The following RAPH1 variants were observed in gnomAD, a reference collection of about 807,000 sequenced individuals.
RAPH1 encodes the protein ras-associated and pleckstrin homology domains-containing protein 1.
A neutral mutation model predicts 88.1 loss-of-function variants in RAPH1; 18 were observed. The ratio of observed to expected loss-of-function variants is 0.20; its 90% CI spans 0.14 to 0.30. The LOEUF (loss-of-function observed/expected upper bound fraction) is 0.30, where lower values mean the gene tolerates loss of function less well. Ranked by LOEUF, RAPH1 falls within the 10% of genes least tolerant of loss-of-function variation. The pLI, the probability that RAPH1 is intolerant of heterozygous loss-of-function variation, is 1.00. For synonymous variants in RAPH1, 587 were observed against 559.0 expected (o/e 1.05, Z -0.71); for missense variants, 1,448 against 1,543.2 (o/e 0.94, Z 1.03).
Position 203,437,444 on chromosome 2 carries a change from G to A in RAPH1, c.*1993C>T, listed in dbSNP as rs888499140. 4.6e-5 allele frequency: 7 copies of A among 152,136 alleles called. No individual in the cohort carries two copies. The highest frequency in any genetic ancestry group is 1.4e-4 in the African/African-American group (6 of 41,416). 9.4% of individuals were successfully genotyped at this position (152,136 alleles called of 1,614,324 possible). A position where few individuals can be genotyped will look rare whatever the true frequency, so the allele number is the denominator to read the frequency against. ...AAATTCATTCATGAATCACAGTAGC[G>A]CTTGGCAATCTACTCAAACATTACC... On this transcript the variant is annotated 3_prime_UTR_variant, in exon 14 of 14. Coordinates refer to ENST00000319170, the MANE Select transcript of RAPH1 (RefSeq NM_213589.3).
intron 1 of RAPH1, among the ~76,000 whole-genome samples, chr2:203,533,728 C>T (rs1330009118): frequency 6.6e-6 from 1 of 152,014 alleles, no homozygotes; most frequent in East Asian, 1.9e-4. Context: ...ATTCACTAAC[C>T]CCCCGCACCG....
intron 8 of RAPH1, among the ~76,000 whole-genome samples, chr2:203,456,227 A>C (rs1446566250): frequency 6.6e-6 from 1 of 152,240 alleles, no homozygotes; most frequent in Non-Finnish European, 1.5e-5. Flanking sequence ...TGCATGTAAC[A>C]GTAGTTAAAT....
At position 203,436,032 on chromosome 2, in the gene RAPH1, A is replaced by T. The variant is rs139443908; in HGVS notation, c.*3405T>A. On this transcript the variant is annotated 3_prime_UTR_variant, in exon 14 of 14. Coordinates refer to ENST00000319170, the MANE Select transcript of RAPH1 (RefSeq NM_213589.3). ...TACAGCTCCTAATAACCTTGATGTC[A>T]GAGTTGTCACTTGGTTGGAATTATT... The T allele has an allele frequency of 6.6e-6, 1 of 152,366 alleles. No individual in the cohort carries two copies. Among genetic ancestry groups the T allele is most frequent in the Non-Finnish European group, 1.5e-5 (1 of 68,038 alleles). The allele number at this position is 152,366 out of a possible 1,614,324, so 9.4% of individuals were successfully genotyped here. A position where few individuals can be genotyped will look rare whatever the true frequency, so the allele number is the denominator to read the frequency against.
At chr2:203,471,518 A>C (rs1347941548) in intron 4 of RAPH1, among the ~76,000 whole-genome samples, 1 of 152,186 alleles carries the variant, frequency 6.6e-6, no homozygotes, top group Non-Finnish European at 1.5e-5. Context: ...AGGCTGCTGC[A>C]GAAGAATCGC....
At chr2:203,467,420 G>A (rs1411920364) in intron 4 of RAPH1, among the ~76,000 whole-genome samples, 1 of 149,118 alleles carries the variant, frequency 6.7e-6, no homozygotes, top group Non-Finnish European at 1.5e-5. Flanking sequence ...GCGAAACCCC[G>A]TCTCTACTAA....
chr2:203,530,579 C>T (rs1169095367), intron 1 of RAPH1, among the ~76,000 whole-genome samples: 1 of 152,132 alleles, frequency 6.6e-6, no homozygotes, highest in Non-Finnish European at 1.5e-5. Flanking sequence ...CCATGTAGCA[C>T]TATGGTCTTC....
intron 1 of RAPH1, among the ~76,000 whole-genome samples, chr2:203,505,304 C>T (rs1283725537): frequency 6.6e-6 from 1 of 152,114 alleles, no homozygotes; most frequent in African/African-American, 2.4e-5. Context: ...AGGCAAAAGG[C>T]ACTTCTTACA....
At chr2:203,459,194 C>T (rs1296509497) in intron 7 of RAPH1, among the ~76,000 whole-genome samples, 2 of 152,122 alleles carry the variant, frequency 1.3e-5, no homozygotes, top group East Asian at 1.9e-4. Context: ...TAACTGCCTA[C>T]AAAAAGATCT....
At chr2:203,497,183 G>A (rs1217516439) in intron 1 of RAPH1, among the ~76,000 whole-genome samples, 1 of 152,220 alleles carries the variant, frequency 6.6e-6, no homozygotes, top group Non-Finnish European at 1.5e-5. Flanking sequence ...CTATGCAAGA[G>A]CACATCTCGT....
At chr2:203,516,895 G>A (rs1689636144) in intron 1 of RAPH1, among the ~76,000 whole-genome samples, 1 of 151,928 alleles carries the variant, frequency 6.6e-6, no homozygotes, top group Non-Finnish European at 1.5e-5. Context: ...TTAGCTGGGC[G>A]TGGTGGTGGG....
intron 10 of RAPH1, among the ~76,000 whole-genome samples, chr2:203,454,080 G>C (rs2098517153): frequency 6.6e-6 from 1 of 152,078 alleles, no homozygotes; most frequent in Non-Finnish European, 1.5e-5. Context: ...AGTAAGTACA[G>C]GAAAAGAACT....
intron 2 of RAPH1, among the ~76,000 whole-genome samples, chr2:203,494,924 A>T (rs1688446757): frequency 6.6e-6 from 1 of 152,116 alleles, no homozygotes; most frequent in Non-Finnish European, 1.5e-5. Flanking sequence ...TCTAAAATTT[A>T]GACTTTTGAA....
At chr2:203,522,554 C>G (rs1689931667) in intron 1 of RAPH1, among the ~76,000 whole-genome samples, 1 of 152,054 alleles carries the variant, frequency 6.6e-6, no homozygotes, top group Non-Finnish European at 1.5e-5. Context: ...CAGAAACTGA[C>G]AAGAGTATTC....
intron 10 of RAPH1, among the ~76,000 whole-genome samples, chr2:203,453,667 A>G (rs2098516733): frequency 6.6e-6 from 1 of 151,970 alleles, no homozygotes; most frequent in African/African-American, 2.4e-5. Flanking sequence ...CAGTCCCCAA[A>G]CTAAAGTGAC....
chr2:203,504,186 C>G (rs1246257281), intron 1 of RAPH1, among the ~76,000 whole-genome samples: 1 of 152,186 alleles, frequency 6.6e-6, no homozygotes, highest in Non-Finnish European at 1.5e-5. Context: ...TGTGTGGGGG[C>G]CCCAACCCCA....
intron 1 of RAPH1, among the ~76,000 whole-genome samples, chr2:203,534,505 T>TCCCCCCCCCCCCCCCCC (rs1486665508): frequency 1.3e-4 from 1 of 7,412 alleles, no homozygotes; most frequent in African/African-American, 2.8e-4. Context: ...CCTCCCTCCG[T>TCCCCCCCCCCCCCCCCC]CCACCCCCCC....
chr2:203,506,094 C>T (rs568675552), intron 1 of RAPH1, among the ~76,000 whole-genome samples: 5 of 152,158 alleles, frequency 3.3e-5, no homozygotes, highest in African/African-American at 7.2e-5. Context: ...GATGGCCAAA[C>T]GCACTGGCAA....
At chr2:203,522,172 A>G (rs533827873) in intron 1 of RAPH1, among the ~76,000 whole-genome samples, 24 of 152,358 alleles carry the variant, frequency 1.6e-4, no homozygotes, top group African/African-American at 5.3e-4. Flanking sequence ...CTACTTTTGC[A>G]TAACAAAAGA....
chr2:203,515,372 C>T (rs1689552982), intron 1 of RAPH1, among the ~76,000 whole-genome samples: 1 of 152,202 alleles, frequency 6.6e-6, no homozygotes, highest in African/African-American at 2.4e-5. Context: ...AATCTTGCCA[C>T]ATTGGCTAGA....
Sources: gnomAD v4.1 joint callset for allele counts (sites outside exome capture counted in the v4.1 genomes callset) on GRCh38, gnomAD v4.1.1 for gene constraint, MANE v1.5 for transcripts, NCBI Gene and HGNC (gene_info 2026-07-23, HGNC 2026-07-21) for gene names.